NDUFS4: variants seen among roughly 807,000 people sequenced by gnomAD.
NDUFS4 encodes NADH dehydrogenase [ubiquinone] iron-sulfur protein 4, mitochondrial.
In NDUFS4, 28 loss-of-function variants were observed where a neutral mutation model predicts 24.3. The ratio of observed to expected loss-of-function variants is 1.15; its 90% CI spans 0.85 to 1.58. The LOEUF is 1.58. Among genes scored for constraint, NDUFS4 ranks in the 40% most tolerant of loss-of-function variants. The probability of loss-of-function intolerance (pLI) is 0.00; values close to 1 mark genes in which losing one functional copy is unlikely to be tolerated. For missense variants in NDUFS4, 223 were observed against 207.9 expected, an observed-to-expected ratio of 1.07 and a Z score of -0.45; for synonymous variants, 93 against 69.7, an observed-to-expected ratio of 1.34 and a Z score of -1.67.
At chr5:53,633,989 C>T (rs1313505152) in intron 2 of NDUFS4, among the ~76,000 whole-genome samples, 1 of 152,078 alleles carries the variant, frequency 6.6e-6, no homozygotes, top group Non-Finnish European at 1.5e-5. Context: ...AAGGTATTGC[C>T]CAAATCAGAT....
Position 53,580,896 on chromosome 5 carries a change from C to A in NDUFS4, c.98+20136C>A, listed in dbSNP as rs537509457. Among the ~76,000 whole-genome samples the A allele has an allele frequency of 4.0e-4, 61 of 151,722 alleles. 1 individual carries two copies. Among genetic ancestry groups the A allele is most frequent in the African/African-American group, 1.4e-3 (58 of 41,342 alleles). ...TTACCCAGGCTGGAGTGCAATGGCA[C>A]AGTCTTGGCTCACGGCAACCTCTGC... is the stretch of plus-strand genomic sequence containing the variant. On this transcript the variant is annotated intron_variant, in intron 1 of 4. Transcript: ENST00000296684.
intron 2 of NDUFS4, among the ~76,000 whole-genome samples, chr5:53,624,174 G>A (rs1751146769): frequency 6.6e-6 from 1 of 152,130 alleles, no homozygotes; most frequent in African/African-American, 2.4e-5. Context: ...GGCTATATAT[G>A]CAAGGGTTTA....
chr5:53,581,608 C>T (rs926925521), intron 1 of NDUFS4, among the ~76,000 whole-genome samples: 5 of 152,098 alleles, frequency 3.3e-5, no homozygotes, highest in African/African-American at 1.2e-4. Flanking sequence ...TCTGTGCCTT[C>T]TCTGCCCCGG....
chr5:53,562,255 T>C (rs544499804), intron 1 of NDUFS4, among the ~76,000 whole-genome samples: 3 of 152,116 alleles, frequency 2.0e-5, no homozygotes, highest in Non-Finnish European at 2.9e-5. Flanking sequence ...ACTTCACTGG[T>C]TAACTTAGAG....
intron 4 of NDUFS4, among the ~76,000 whole-genome samples, chr5:53,675,739 A>T (rs1035388230): frequency 2.0e-4 from 31 of 152,340 alleles, no homozygotes; most frequent in Admixed American, 6.5e-4. Context: ...CCCAATAGAG[A>T]ATAGACCTCT....
At chr5:53,661,795 G>GCTCT (rs1554060471) in intron 4 of NDUFS4, among the ~76,000 whole-genome samples, 3 of 151,328 alleles carry the variant, frequency 2.0e-5, no homozygotes, top group African/African-American at 4.9e-5. Flanking sequence ...TCATGATTTG[G>GCTCT]CTGTCTGTTA....
intron 1 of NDUFS4, among the ~76,000 whole-genome samples, chr5:53,575,130 G>C (rs543888179): frequency 9.9e-5 from 15 of 152,280 alleles, no homozygotes; most frequent in African/African-American, 2.9e-4. Flanking sequence ...CTGAGCACTT[G>C]TTTCTTTTCT....
chr5:53,636,521 C>T (rs1751556073), intron 2 of NDUFS4, among the ~76,000 whole-genome samples: 1 of 152,170 alleles, frequency 6.6e-6, no homozygotes, highest in African/African-American at 2.4e-5. Flanking sequence ...AATAGGTGCA[C>T]TGTAGTTTTC....
chr5:53,617,404 G>A (rs1411856185), intron 2 of NDUFS4, among the ~76,000 whole-genome samples: 2 of 151,988 alleles, frequency 1.3e-5, no homozygotes, highest in Non-Finnish European at 2.9e-5. Context: ...GGCTACATGT[G>A]TTTTCCTGAT....
intron 4 of NDUFS4, among the ~76,000 whole-genome samples, chr5:53,673,841 C>G (rs1312274940): frequency 1.3e-5 from 2 of 152,152 alleles, no homozygotes; most frequent in African/African-American, 4.8e-5. Flanking sequence ...CTCATAAATA[C>G]ACATAACTTT....
At chr5:53,676,943 T>TTATA (rs746681690) in intron 4 of NDUFS4, among the ~76,000 whole-genome samples, 9 of 152,182 alleles carry the variant, frequency 5.9e-5, no homozygotes, top group Non-Finnish European at 1.2e-4. Context: ...CGAGAGAGAA[T>TTATA]TATATATGGT....
intron 2 of NDUFS4, among the ~76,000 whole-genome samples, chr5:53,637,935 A>G (rs1325727985): frequency 6.6e-6 from 1 of 152,144 alleles, no homozygotes; most frequent in African/African-American, 2.4e-5. Context: ...TGAGAGAAGA[A>G]TCAAAATATA....
chr5:53,630,497 C>G (rs575028336), intron 2 of NDUFS4, among the ~76,000 whole-genome samples: 1 of 152,166 alleles, frequency 6.6e-6, no homozygotes, highest in Non-Finnish European at 1.5e-5. Context: ...TCCATTCTCC[C>G]TATCACTTTC....
At chr5:53,573,342 A>T (rs9292024) in intron 1 of NDUFS4, among the ~76,000 whole-genome samples, 53,549 of 151,746 alleles carry the variant, frequency 0.35, 10,365 homozygotes, top group African/African-American at 0.52. Flanking sequence ...CTCTTTTATA[A>T]CTATGAAATC....
chr5:53,581,839 G>A (rs1749576193), intron 1 of NDUFS4, among the ~76,000 whole-genome samples: 1 of 152,128 alleles, frequency 6.6e-6, no homozygotes, highest in African/African-American at 2.4e-5. Flanking sequence ...TAGGCTAATT[G>A]ATATAAAACA....
intron 4 of NDUFS4, among the ~76,000 whole-genome samples, chr5:53,661,487 C>T (rs1197471505): frequency 1.3e-5 from 2 of 152,062 alleles, no homozygotes; most frequent in Non-Finnish European, 2.9e-5. Flanking sequence ...AATGCGGGCT[C>T]TTTTTTGGTT....
At chr5:53,585,767 GTGTGTATGTGTGTGTATACACC>G (rs1749733017) in intron 1 of NDUFS4, among the ~76,000 whole-genome samples, 3 of 151,126 alleles carry the variant, frequency 2.0e-5, no homozygotes, top group Admixed American at 2.0e-4. Flanking sequence ...GAAAATTTTT[GTGTGTATGTGTGTGTATACACC>G]TGTGCCTGTG....
At chr5:53,675,279 C>T (rs561435779) in intron 4 of NDUFS4, among the ~76,000 whole-genome samples, 2 of 150,732 alleles carry the variant, frequency 1.3e-5, no homozygotes, top group Non-Finnish European at 2.9e-5. Flanking sequence ...TCTCCAGCCT[C>T]AGCCTCCCGA....
intron 1 of NDUFS4, among the ~76,000 whole-genome samples, chr5:53,561,230 T>C (rs1436620739): frequency 6.6e-6 from 1 of 152,222 alleles, no homozygotes; most frequent in African/African-American, 2.4e-5. Flanking sequence ...GAAGATTGTT[T>C]ATTCATCAGT....
Sources: gnomAD v4.1 joint callset for allele counts (sites outside exome capture counted in the v4.1 genomes callset) on GRCh38, gnomAD v4.1.1 for gene constraint, MANE v1.5 for transcripts, NCBI Gene and HGNC (gene_info 2026-07-23, HGNC 2026-07-21) for gene names.